The following EBF1 variants were observed in gnomAD, a reference collection of about 807,000 sequenced individuals.
EBF1 encodes the protein transcription factor COE1.
A neutral mutation model predicts 68.4 loss-of-function variants in EBF1; 10 were observed. The ratio of observed to expected loss-of-function variants is 0.15; its 90% confidence interval spans 0.09 to 0.25. The LOEUF is 0.25. EBF1 is among the 10% of genes least tolerant of loss of function. The pLI, the probability that EBF1 is intolerant of heterozygous loss-of-function variation, is 1.00. For missense variants in EBF1, 509 were observed against 794.4 expected (o/e 0.64, Z 4.32); for synonymous variants, 298 against 299.8 (o/e 0.99, Z 0.06).
intron 6 of EBF1, among the ~76,000 whole-genome samples, chr5:159,040,200 C>T (rs778702713): frequency 4.6e-5 from 7 of 152,134 alleles, no homozygotes; most frequent in Non-Finnish European, 1.0e-4. Flanking sequence ...ACACCAGCAC[C>T]ACACTGGGCT....
At chr5:158,710,107 T>C (rs560574547) in intron 14 of EBF1, among the ~76,000 whole-genome samples, 28 of 152,320 alleles carry the variant, frequency 1.8e-4, no homozygotes, top group African/African-American at 6.5e-4. Flanking sequence ...TTATGAATAA[T>C]TAAATATTAT....
chr5:158,989,156 G>A (rs1046340097), intron 6 of EBF1, among the ~76,000 whole-genome samples: 5 of 152,150 alleles, frequency 3.3e-5, no homozygotes, highest in Non-Finnish European at 7.3e-5. Context: ...ACCTAATTGA[G>A]CGACAACCCT....
chr5:159,038,283 G>C (rs1028052630), intron 6 of EBF1, among the ~76,000 whole-genome samples: 1 of 152,102 alleles, frequency 6.6e-6, no homozygotes, highest in Admixed American at 6.5e-5. Flanking sequence ...GGAAATGAGG[G>C]GGGAAACCCA....
intron 1 of EBF1, chr5:159,097,352 C>T (rs1244743708): frequency 1.8e-6 from 1 of 566,394 alleles, no homozygotes; most frequent in Admixed American, 3.3e-5. Context: ...GGTGCGTCCT[C>T]AGAACTCGCT....
chr5:158,883,623 A>G (rs929626), intron 6 of EBF1, among the ~76,000 whole-genome samples: 61,600 of 151,772 alleles, frequency 0.41, 12,950 homozygotes, highest in South Asian at 0.64. Context: ...AAACATTACC[A>G]TCTCCAAGTC....
intron 7 of EBF1, among the ~76,000 whole-genome samples, chr5:158,823,786 T>C (rs1265188816): frequency 6.6e-6 from 1 of 152,150 alleles, no homozygotes; most frequent in East Asian, 1.9e-4. Flanking sequence ...AGGGATGCAT[T>C]TTTCTCTCCT....
At chr5:159,063,264 T>C (rs1286729551) in intron 6 of EBF1, among the ~76,000 whole-genome samples, 2 of 152,162 alleles carry the variant, frequency 1.3e-5, no homozygotes, top group African/African-American at 4.8e-5. Context: ...TAGAATTCCA[T>C]AGTTGGAAAG....
At chr5:158,922,335 G>T (rs1385810598) in intron 6 of EBF1, among the ~76,000 whole-genome samples, 2 of 152,180 alleles carry the variant, frequency 1.3e-5, no homozygotes, top group African/African-American at 2.4e-5. Context: ...AAGGAAGCTG[G>T]TGGCAGAGTG....
intron 8 of EBF1, among the ~76,000 whole-genome samples, chr5:158,802,829 C>T (rs1780857994): frequency 6.6e-6 from 1 of 152,234 alleles, no homozygotes; most frequent in Admixed American, 6.5e-5. Context: ...TACTATGCAC[C>T]ACATAGTATG....
intron 6 of EBF1, among the ~76,000 whole-genome samples, chr5:158,974,599 C>CG (rs1756341808): frequency 6.6e-6 from 1 of 151,986 alleles, no homozygotes; most frequent in Non-Finnish European, 1.5e-5. Context: ...CTCTTTAAGG[C>CG]GCTGTCATGA....
At chr5:158,971,753 G>A (rs1755697299) in intron 6 of EBF1, among the ~76,000 whole-genome samples, 1 of 152,100 alleles carries the variant, frequency 6.6e-6, no homozygotes, top group South Asian at 2.1e-4. Context: ...AAAGCCCACA[G>A]AACCAACACG....
chr5:158,840,896 C>T (rs1037785816), intron 6 of EBF1, among the ~76,000 whole-genome samples: 1 of 151,730 alleles, frequency 6.6e-6, no homozygotes, highest in African/African-American at 2.4e-5. Flanking sequence ...TGGTCTCGAT[C>T]TCCTGACCTC....
At chr5:158,830,319 C>A (rs1167751075) in intron 7 of EBF1, among the ~76,000 whole-genome samples, 1 of 152,088 alleles carries the variant, frequency 6.6e-6, no homozygotes, top group Admixed American at 6.5e-5. Context: ...GTCACCAGGC[C>A]GGACTGCAGG....
intron 10 of EBF1, among the ~76,000 whole-genome samples, chr5:158,747,819 T>G (rs1767928790): frequency 6.6e-6 from 1 of 152,194 alleles, no homozygotes; most frequent in Non-Finnish European, 1.5e-5. Context: ...AATCACCAAC[T>G]CTTTGCTGTC....
At chr5:159,001,371 A>T (rs1391442083) in intron 6 of EBF1, among the ~76,000 whole-genome samples, 1 of 152,200 alleles carries the variant, frequency 6.6e-6, no homozygotes, top group African/African-American at 2.4e-5. Flanking sequence ...AAAAGTGTAA[A>T]GGAGTCTGAG....
chr5:158,854,708 A>T (rs1247476247), intron 6 of EBF1, among the ~76,000 whole-genome samples: 1 of 152,228 alleles, frequency 6.6e-6, no homozygotes, highest in Non-Finnish European at 1.5e-5. Context: ...TGGCCTCAAA[A>T]GTCAGCAATT....
chr5:158,767,595 TAC>T (rs1285496516), intron 10 of EBF1, among the ~76,000 whole-genome samples: 6 of 147,796 alleles, frequency 4.1e-5, no homozygotes, highest in Non-Finnish European at 5.9e-5. Context: ...GGGCTTGTCT[TAC>T]ACAGATTCTC....
intron 6 of EBF1, among the ~76,000 whole-genome samples, chr5:158,969,916 GAAAA>G (rs61157554): frequency 0.095 from 7,524 of 79,280 alleles, 870 homozygotes; most frequent in South Asian, 0.15. Flanking sequence ...AAGAAAGAAA[GAAAA>G]AAAAAAAAAA....
intron 6 of EBF1, among the ~76,000 whole-genome samples, chr5:158,976,050 C>A (rs1462669451): frequency 1.3e-5 from 2 of 152,172 alleles, no homozygotes; most frequent in African/African-American, 2.4e-5. Flanking sequence ...GCAAATAGAT[C>A]CAGCAAAGAG....
Sources: gnomAD v4.1 joint callset for allele counts (sites outside exome capture counted in the v4.1 genomes callset) on GRCh38, gnomAD v4.1.1 for gene constraint, MANE v1.5 for transcripts, NCBI Gene and HGNC (gene_info 2026-07-23, HGNC 2026-07-21) for gene names.